Variants in SECISBP2 observed in about 807,000 individuals in gnomAD.
SECISBP2 encodes the protein SECIS binding protein 2.
In SECISBP2, 96 loss-of-function variants were observed where a neutral mutation model predicts 98.2. That is an observed-to-expected ratio of 0.98 (90% confidence interval 0.83 to 1.16). The LOEUF (loss-of-function observed/expected upper bound fraction) is 1.16, where lower values mean the gene tolerates loss of function less well. Ranked by LOEUF, SECISBP2 falls within the 50% of genes most tolerant of loss-of-function variation. SECISBP2 has a pLI of 0.00. For missense variants in SECISBP2, 1,046 were observed against 1,022.9 expected, an observed-to-expected ratio of 1.02 and a Z score of -0.31; for synonymous variants, 407 against 370.2, an observed-to-expected ratio of 1.10 and a Z score of -1.14.
At chr9:89,349,715 G>A (rs895047364) in intron 12 of SECISBP2, 61 bp from the exon 13 acceptor site, 35 of 1,587,058 alleles carry the variant, frequency 2.2e-5, no homozygotes, top group Non-Finnish European at 2.9e-5. Context: ...CATTGGGCCA[G>A]CCCCTCAGTG....
chr9:89,336,108 T>TTTTTTTTTTTC (rs1554720204), intron 7 of SECISBP2, among the ~76,000 whole-genome samples: 1 of 133,650 alleles, frequency 7.5e-6, no homozygotes, highest in Non-Finnish European at 1.6e-5. Context: ...TTTTTTTTTT[T>TTTTTTTTTTTC]CACTGCAGCT....
At chr9:89,334,047 G>A (rs1828215950) in intron 6 of SECISBP2, 2 of 1,073,766 alleles carry the variant, frequency 1.9e-6, no homozygotes, top group Non-Finnish European at 1.1e-6. Flanking sequence ...ACCTAAAGGA[G>A]TAGTGTTGCT....
At chr9:89,345,911 C>T (rs7470318) in intron 10 of SECISBP2, among the ~76,000 whole-genome samples, 10,009 of 152,294 alleles carry the variant, frequency 0.066, 463 homozygotes, top group Middle Eastern at 0.12. Context: ...AAGGCCAGAG[C>T]AGCCTGGGAG....
chr9:89,334,168 A>G, intron 6 of SECISBP2: 1 of 1,174,908 alleles, frequency 8.5e-7, no homozygotes, highest in South Asian at 1.8e-5. Flanking sequence ...TAGTAGGGCC[A>G]AAATTTGATC....
At chr9:89,334,059 TA>T in intron 6 of SECISBP2, 1 of 1,099,358 alleles carries the variant, frequency 9.1e-7, no homozygotes, top group South Asian at 2.4e-5. Context: ...AGTGTTGCTG[TA>T]CTTATGCCTC....
chr9:89,336,380 G>A (rs1328420834), intron 7 of SECISBP2, among the ~76,000 whole-genome samples: 1 of 151,222 alleles, frequency 6.6e-6, no homozygotes, highest in Non-Finnish European at 1.5e-5. Flanking sequence ...TTCTTCAAGA[G>A]CCTTTTTTTT....
rs1296176227 is a variant in SECISBP2, at chr9:89,338,537, C to G, written c.1169C>G (p.Ser390Ter). ...AAGAAAAAGAAAGAAAAATCTACAT[C>G]AAAATATGAAGTCCTGACAGTTCAA... is the stretch of plus-strand genomic sequence containing the variant. ...KNKKKKEKST[S>*]KYEVLTVQEP... Residue 390 changes from serine (S) to a stop codon, truncating the protein, a stop_gained, in exon 8 of 17, where the codon TCA becomes TGA. Transcript: ENST00000375807. LOFTEE classifies it high-confidence loss of function. The G allele has an allele frequency of 1.2e-6, 2 of 1,612,824 alleles. No homozygotes were observed. Among genetic ancestry groups the G allele is most frequent in the Non-Finnish European group, 1.7e-6 (2 of 1,179,638 alleles).
intron 5 of SECISBP2, chr9:89,329,098 A>C: frequency 1.7e-6 from 1 of 576,662 alleles, no homozygotes; most frequent in South Asian, 2.1e-5. Context: ...CTATTGTTTT[A>C]TTTGTGCGTT....
intron 6 of SECISBP2, chr9:89,334,302 A>G (rs1828260841): frequency 1.0e-6 from 1 of 995,326 alleles, no homozygotes; most frequent in African/African-American, 1.6e-5. Flanking sequence ...TTTCCAGGAA[A>G]ATTAACCTTA....
At chr9:89,362,671 G>A (rs964665091), downstream of SECISBP2, among the ~76,000 whole-genome samples, 6 of 152,248 alleles carry the variant, frequency 3.9e-5, no homozygotes, top group African/African-American at 1.4e-4. Context: ...CAGGAGGGCT[G>A]GAGAGAGGGA....
At chr9:89,333,928 G>T in intron 6 of SECISBP2, 1 of 628,144 alleles carries the variant, frequency 1.6e-6, no homozygotes, top group South Asian at 6.7e-5. Flanking sequence ...TCTAGTGAGG[G>T]GAACAGTCTG....
At chr9:89,363,430 C>G, downstream of SECISBP2, 1 of 1,612,734 alleles carries the variant, frequency 6.2e-7, no homozygotes, top group Non-Finnish European at 8.5e-7. Flanking sequence ...GGCCACTTAC[C>G]CACGCCTTCC....
intron 7 of SECISBP2, among the ~76,000 whole-genome samples, chr9:89,337,744 C>G (rs1829000106): frequency 6.6e-6 from 1 of 152,322 alleles, no homozygotes; most frequent in African/African-American, 2.4e-5. Context: ...AAGTTCCCTG[C>G]CCTTTTAGAG....
At chr9:89,363,624 A>T (rs13297725), downstream of SECISBP2, 524,208 of 1,589,822 alleles carry the variant, frequency 0.33, 89,390 homozygotes, top group Admixed American at 0.51. Context: ...AGCCAATAAA[A>T]CCCAAACCCA....
chr9:89,355,977 A>G (rs1391724365), intron 14 of SECISBP2, among the ~76,000 whole-genome samples: 2 of 152,126 alleles, frequency 1.3e-5, no homozygotes, highest in African/African-American at 4.8e-5. Context: ...ACATCTTTTT[A>G]TATTTTTTCC....
chr9:89,325,663 A>G lies in SECISBP2; in HGVS notation c.419A>G (p.Lys140Arg). 1.2e-6 allele frequency: 2 copies of G among 1,614,174 alleles called. No homozygotes were observed. The highest frequency in any genetic ancestry group is 2.7e-5 in the African/African-American group (2 of 75,048). The change falls in exon 3 of 17, where the codon AAA becomes AGA. Residue 140 changes from lysine to arginine, a missense_variant. By Grantham distance (26) the Lys-to-Arg change is conservative (BLOSUM62 2). Coordinates refer to ENST00000375807, the MANE Select transcript of SECISBP2 (RefSeq NM_024077.5). ...ACATGCCCTCTCCCACAAGAAATGA[A>G]AGCTCTGTTTAAGGTGAGTAGTGAT... ...ENTCPLPQEM[K>R]ALFKKKTYDE...
At chr9:89,343,899 T>G (rs1262874702) in intron 10 of SECISBP2, among the ~76,000 whole-genome samples, 1 of 152,190 alleles carries the variant, frequency 6.6e-6, no homozygotes, top group Non-Finnish European at 1.5e-5. Flanking sequence ...TGTTTTTAGG[T>G]CTGCTGAATC....
In SECISBP2 at chr9:89,359,600, A is replaced by G. The variant is rs919678112; in HGVS notation, c.*776A>G. ...AGTTTGCTTTCATATTTTCCCTGTAAGTAAGAGGGCTTATTTATTTTAAAT... is the reference window on the plus strand; with the variant it reads ...AGTTTGCTTTCATATTTTCCCTGTAGGTAAGAGGGCTTATTTATTTTAAAT... On this transcript the variant is annotated 3_prime_UTR_variant, in exon 17 of 17. Transcript: ENST00000375807. 1 of 151,912 alleles carries G rather than the reference A, an allele frequency of 6.6e-6. No homozygotes were observed. The highest frequency in any genetic ancestry group is 1.5e-5 in the Non-Finnish European group (1 of 68,000). 9.4% of individuals were successfully genotyped at this position (151,912 alleles called of 1,614,324 possible).
intron 4 of SECISBP2, 22 bp from the exon 5 acceptor site, chr9:89,328,634 TCTTA>T (rs774313285): frequency 6.9e-6 from 11 of 1,598,604 alleles, no homozygotes; most frequent in South Asian, 5.5e-5. Flanking sequence ...AAATTTTTAC[TCTTA>T]CTTTTAATTT....
Sources: allele counts gnomAD v4.1 joint callset (sites outside exome capture counted in the v4.1 genomes callset), GRCh38; gene constraint gnomAD v4.1.1; transcripts MANE v1.5; gene names NCBI Gene and HGNC (gene_info 2026-07-23, HGNC 2026-07-21).